C3orf49: variants seen among roughly 807,000 people sequenced by gnomAD.
The protein encoded by C3orf49 is putative uncharacterized protein C3orf49.
Under a neutral mutation model 13.3 loss-of-function variants are expected in C3orf49, and 27 were observed. The ratio of observed to expected loss-of-function variants is 2.02; its 90% CI spans 1.49 to 2.79. The LOEUF (loss-of-function observed/expected upper bound fraction) is 2.79, where lower values mean the gene tolerates loss of function less well. Ranked by LOEUF, C3orf49 falls within the 30% of genes most tolerant of loss-of-function variation. The probability of loss-of-function intolerance (pLI) is 0.00; values close to 1 mark genes in which losing one functional copy is unlikely to be tolerated. For synonymous variants in C3orf49, 87 were observed against 47.6 expected, an observed-to-expected ratio of 1.83 and a Z score of -3.40; for missense variants, 242 against 134.2, an observed-to-expected ratio of 1.80 and a Z score of -3.97.
chr3:63,821,324 T>C (rs1701391385), intron 1 of C3orf49, among the ~76,000 whole-genome samples: 1 of 152,184 alleles, frequency 6.6e-6, no homozygotes, highest in African/African-American at 2.4e-5. Context: ...ATGCTACTGA[T>C]GGTACATGAG....
At chr3:63,836,413 A>G (rs1315264069) in intron 5 of C3orf49, 1 of 1,540,616 alleles carries the variant, frequency 6.5e-7, no homozygotes. Context: ...GTGAATTATC[A>G]AAACAAAATG....
At chr3:63,803,744 G>A in the C3orf49 span, among the ~76,000 whole-genome samples, 4 of 152,164 alleles carry the variant, frequency 2.6e-5, no homozygotes, top group African/African-American at 9.7e-5. Context: ...TGGCACCAGG[G>A]ACTGGTTTCA....
the C3orf49 span, among the ~76,000 whole-genome samples, chr3:63,799,453 G>A: frequency 5.8e-4 from 89 of 152,190 alleles, no homozygotes; most frequent in African/African-American, 2.0e-3. Context: ...GCATCAACAT[G>A]TTCAATTGTG....
At chr3:63,843,080 C>T (rs1701802242) in intron 5 of C3orf49, among the ~76,000 whole-genome samples, 1 of 151,948 alleles carries the variant, frequency 6.6e-6, no homozygotes, top group Non-Finnish European at 1.5e-5. Context: ...AGCCTCTGTG[C>T]CTGCCCCAAC....
intron 5 of C3orf49, chr3:63,838,061 T>C: frequency 6.3e-7 from 1 of 1,598,742 alleles, no homozygotes; most frequent in Non-Finnish European, 8.5e-7. Flanking sequence ...CTATGCTACA[T>C]TCTATATGAG....
At chr3:63,790,927 G>C in the C3orf49 span, among the ~76,000 whole-genome samples, 1 of 152,206 alleles carries the variant, frequency 6.6e-6, no homozygotes, top group Non-Finnish European at 1.5e-5. Flanking sequence ...CACAGATGCA[G>C]CTTTAGCTTG....
chr3:63,807,923 GAAAGA>G, the C3orf49 span, among the ~76,000 whole-genome samples: 2 of 149,154 alleles, frequency 1.3e-5, no homozygotes, highest in Non-Finnish European at 3.0e-5. Context: ...TAAATAAAGG[GAAAGA>G]AAAGAAAAGA....
chr3:63,797,908 C>T, the C3orf49 span, among the ~76,000 whole-genome samples: 3 of 152,110 alleles, frequency 2.0e-5, no homozygotes, highest in Non-Finnish European at 4.4e-5. Flanking sequence ...AGACTCGTTA[C>T]ATTGTCATTT....
At chr3:63,844,757 G>C (rs1285523274) in intron 5 of C3orf49, among the ~76,000 whole-genome samples, 2 of 152,192 alleles carry the variant, frequency 1.3e-5, no homozygotes, top group African/African-American at 2.4e-5. Context: ...ACAGCAAGAA[G>C]ACCCTCACCA....
At chr3:63,828,302 T>C (rs1358073706) in intron 3 of C3orf49, among the ~76,000 whole-genome samples, 1 of 152,146 alleles carries the variant, frequency 6.6e-6, no homozygotes, top group Non-Finnish European at 1.5e-5. Context: ...GTTTTGTTTG[T>C]GTGTTTGTTT....
the C3orf49 span, among the ~76,000 whole-genome samples, chr3:63,795,265 G>C: frequency 2.0e-5 from 3 of 152,052 alleles, no homozygotes; most frequent in African/African-American, 7.2e-5. Flanking sequence ...ATTTACATGA[G>C]GTGAGCAGGA....
upstream of C3orf49, among the ~76,000 whole-genome samples, chr3:63,815,830 G>A (rs1355920986): frequency 1.4e-5 from 2 of 144,820 alleles, no homozygotes; most frequent in South Asian, 2.2e-4. Context: ...GCAGTGGCCT[G>A]ATCTCAGCTC....
At chr3:63,812,288 C>T in the C3orf49 span, among the ~76,000 whole-genome samples, 1 of 152,150 alleles carries the variant, frequency 6.6e-6, no homozygotes, top group African/African-American at 2.4e-5. Context: ...GAGCTAAAAA[C>T]ATTTTTTTAA....
chr3:63,810,020 C>A, the C3orf49 span, among the ~76,000 whole-genome samples: 2 of 151,692 alleles, frequency 1.3e-5, no homozygotes, highest in African/African-American at 4.9e-5. Context: ...CATGGTGGTG[C>A]CTGTAATCCC....
chr3:63,799,098 G>T, the C3orf49 span, among the ~76,000 whole-genome samples: 1 of 152,124 alleles, frequency 6.6e-6, no homozygotes, highest in African/African-American at 2.4e-5. Flanking sequence ...TCTGATTCCT[G>T]TGCGGCTGGA....
At chr3:63,799,069 A>G in the C3orf49 span, among the ~76,000 whole-genome samples, 1 of 152,096 alleles carries the variant, frequency 6.6e-6, no homozygotes, top group African/African-American at 2.4e-5. Context: ...AACAACAAGG[A>G]AGCAATTGTG....
chr3:63,839,675 A>G (rs896878214), intron 5 of C3orf49: 9 of 1,612,170 alleles, frequency 5.6e-6, no homozygotes, highest in Non-Finnish European at 7.6e-6. Flanking sequence ...TGGGACCCAG[A>G]GTTGCACCAT....
chr3:63,800,515 T>C, the C3orf49 span, among the ~76,000 whole-genome samples: 2 of 152,240 alleles, frequency 1.3e-5, no homozygotes, highest in Middle Eastern at 6.8e-3. Flanking sequence ...GTGTCTCTTA[T>C]GTGTCAAGTA....
intron 6 of C3orf49, among the ~76,000 whole-genome samples, chr3:63,846,506 C>G (rs1242300674): frequency 6.6e-6 from 1 of 152,122 alleles, no homozygotes; most frequent in Non-Finnish European, 1.5e-5. Context: ...CTCCTGGGTT[C>G]AAGCTATTCT....
Sources: allele counts gnomAD v4.1 joint callset (sites outside exome capture counted in the v4.1 genomes callset), GRCh38; gene constraint gnomAD v4.1.1; transcripts MANE v1.5; gene names NCBI Gene and HGNC (gene_info 2026-07-23, HGNC 2026-07-21).